NR3C2: variants seen among roughly 807,000 people sequenced by gnomAD.
NR3C2 encodes nuclear receptor subfamily 3 group C member 2.
A neutral mutation model predicts 86.4 loss-of-function variants in NR3C2; 15 were observed. That is an observed-to-expected ratio of 0.17 (90% CI 0.12 to 0.27). The LOEUF (loss-of-function observed/expected upper bound fraction) is 0.27, where lower values mean the gene tolerates loss of function less well. NR3C2 is among the 10% of genes least tolerant of loss of function. NR3C2 has a pLI of 1.00. For missense variants in NR3C2, 960 were observed against 1,195.6 expected, an observed-to-expected ratio of 0.80 and a Z score of 2.91; for synonymous variants, 458 against 450.5, an observed-to-expected ratio of 1.02 and a Z score of -0.21.
chr4:148,092,241 C>CT (rs1022279397), intron 8 of NR3C2, among the ~76,000 whole-genome samples: 3 of 152,226 alleles, frequency 2.0e-5, no homozygotes, highest in Non-Finnish European at 4.4e-5. Context: ...GCAGATGACA[C>CT]TTTTTTGTTT....
chr4:148,271,710 A>G (rs1740694900), intron 2 of NR3C2, among the ~76,000 whole-genome samples: 1 of 152,122 alleles, frequency 6.6e-6, no homozygotes, highest in Admixed American at 6.6e-5. Context: ...TGGCTTTGAG[A>G]AAAAAACTAT....
chr4:148,240,826 A>G (rs1490059777), intron 3 of NR3C2, among the ~76,000 whole-genome samples: 3 of 152,198 alleles, frequency 2.0e-5, no homozygotes, highest in African/African-American at 7.2e-5. Context: ...GCAAGTCTTC[A>G]GCCTTAGTTA....
At chr4:148,321,112 T>C (rs892693818) in intron 2 of NR3C2, among the ~76,000 whole-genome samples, 1 of 149,838 alleles carries the variant, frequency 6.7e-6, no homozygotes, top group Non-Finnish European at 1.5e-5. Context: ...AACATCTTCA[T>C]TTCTGCCTTC....
intron 3 of NR3C2, among the ~76,000 whole-genome samples, chr4:148,200,460 A>C (rs990250373): frequency 6.6e-6 from 1 of 151,814 alleles, no homozygotes; most frequent in African/African-American, 2.4e-5. Flanking sequence ...TTCTCCCCAC[A>C]ATCCTCTACA....
intron 2 of NR3C2, among the ~76,000 whole-genome samples, chr4:148,372,389 G>T (rs1746462679): frequency 6.6e-6 from 1 of 151,594 alleles, no homozygotes; most frequent in Non-Finnish European, 1.5e-5. Flanking sequence ...TCACATAAAA[G>T]CCCTGATATT....
intron 4 of NR3C2, among the ~76,000 whole-genome samples, chr4:148,163,663 A>T (rs1734761090): frequency 6.8e-6 from 1 of 147,322 alleles, no homozygotes; most frequent in South Asian, 2.1e-4. Flanking sequence ...CCTGTATGTA[A>T]AAAACACTCT....
chr4:148,442,943 C>G (rs533770926), upstream of NR3C2: 37 of 985,316 alleles, frequency 3.8e-5, no homozygotes, highest in African/African-American at 5.2e-4. Context: ...CCCTCACGCT[C>G]TCCACCTGCA....
chr4:148,152,759 C>G (rs1734161524), intron 5 of NR3C2, 146 bp from the exon 6 acceptor site: 3 of 767,762 alleles, frequency 3.9e-6, no homozygotes, highest in Non-Finnish European at 6.6e-6. Context: ...CAGTCATTTA[C>G]AGAGTGCCCA....
At chr4:148,259,304 T>TGGTAAC (rs1428898119) in intron 3 of NR3C2, among the ~76,000 whole-genome samples, 1 of 152,216 alleles carries the variant, frequency 6.6e-6, no homozygotes, top group Non-Finnish European at 1.5e-5. Context: ...CTAAGTCTGA[T>TGGTAAC]GGTAACTAAC....
intron 3 of NR3C2, among the ~76,000 whole-genome samples, chr4:148,250,919 C>T (rs1739543576): frequency 6.6e-6 from 1 of 152,090 alleles, no homozygotes; most frequent in South Asian, 2.1e-4. Flanking sequence ...GTGTCCTCAG[C>T]CTCCAGTCTC....
In NR3C2 at chr4:148,435,708, A is replaced by C. The variant is rs764859073; in HGVS notation, c.1153T>G (p.Ser385Ala). The C allele has an allele frequency of 3.1e-6, 5 of 1,614,048 alleles. No individual in the cohort carries two copies. Among genetic ancestry groups the C allele is most frequent in the Non-Finnish European group, 3.4e-6 (4 of 1,180,040 alleles). The change falls in exon 2 of 9, where the codon TCA becomes GCA. Residue 385 changes from serine (S) to alanine (A), a missense_variant. By Grantham distance (99) the Ser-to-Ala change is moderately conservative. Coordinates refer to ENST00000358102, the MANE Select transcript of NR3C2 (RefSeq NM_000901.5). ...TTAAGCTGGCCAGTCACACCATTTG[A>C]GATGGCACTCTCTACTTCCTCAGTC... is the stretch of plus-strand genomic sequence containing the variant. ...PKTEEVESAI[S>A]NGVTGQLNIV... is the part of the protein sequence containing the mutation.
In NR3C2 at chr4:148,204,378, C is replaced by T. The variant is rs182575739; in HGVS notation, c.1898-9516G>A. 1.0e-3 allele frequency among the ~76,000 whole-genome samples: 156 copies of T among 152,202 alleles called. 1 individual carries two copies. Among genetic ancestry groups the T allele is most frequent in the African/African-American group, 3.3e-3 (138 of 41,532 alleles). On this transcript the variant is annotated intron_variant, in intron 3 of 8. Coordinates refer to ENST00000358102, the MANE Select transcript of NR3C2 (RefSeq NM_000901.5). ...CATCTGTTATCTAGATAAACTAATA[C>T]GTTATTCAGGGCAGTGGAAAGGGAA...
chr4:148,435,648 C>G lies in NR3C2; in HGVS notation c.1213G>C (p.Ala405Pro). 1 of 1,614,160 alleles carries G rather than the reference C, an allele frequency of 6.2e-7. No individual in the cohort carries two copies. The highest frequency in any genetic ancestry group is 1.1e-5 in the South Asian group (1 of 91,084). ...CCTCCTAGACATGAGCTGCTAAAAG[C>G]TCCATCTGGTTCTGGTTTTATGTAC... The part of the protein sequence containing the change: ...VQYIKPEPDG[A>P]FSSSCLGGNS... The change falls in exon 2 of 9, where the codon GCT becomes CCT. Residue 405 changes from alanine (A) to proline (P), a missense_variant. Physicochemically the swap from Ala to Pro is conservative, Grantham distance 27. Coordinates refer to ENST00000358102, the MANE Select transcript of NR3C2 (RefSeq NM_000901.5).
chr4:148,353,777 T>C (rs1192467636), intron 2 of NR3C2, among the ~76,000 whole-genome samples: 1 of 152,172 alleles, frequency 6.6e-6, no homozygotes, highest in Non-Finnish European at 1.5e-5. Flanking sequence ...GGATCTAATA[T>C]CATTCTTCTT....
chr4:148,189,861 A>G lies in NR3C2; in HGVS notation c.2014+4885T>C, dbSNP rs540197909. Among the ~76,000 whole-genome samples the G allele has an allele frequency of 7.2e-5, 11 of 152,072 alleles. No individual in the cohort carries two copies. The South Asian group carries it at 1.3e-3, about 17-fold the overall frequency. On this transcript the variant is annotated intron_variant, in intron 4 of 8. Coordinates refer to ENST00000358102, the MANE Select transcript of NR3C2 (RefSeq NM_000901.5). ...ATAGTAGCCTTGAATGATCTTTTGT[A>G]TTTCAGTGGTGTCAGTTTTAATATC...
chr4:148,185,966 A>G (rs1735870351), intron 4 of NR3C2, among the ~76,000 whole-genome samples: 1 of 152,216 alleles, frequency 6.6e-6, no homozygotes. Flanking sequence ...AAGAATATAT[A>G]TAGGATAAAT....
chr4:148,165,517 T>C (rs1401943565), intron 4 of NR3C2, among the ~76,000 whole-genome samples: 5 of 152,150 alleles, frequency 3.3e-5, no homozygotes, highest in Non-Finnish European at 7.3e-5. Context: ...GACTACATCA[T>C]TATAATTTTA....
chr4:148,182,653 C>T (rs1279970132), intron 4 of NR3C2, among the ~76,000 whole-genome samples: 1 of 152,212 alleles, frequency 6.6e-6, no homozygotes, highest in Non-Finnish European at 1.5e-5. Context: ...TAGATAACTG[C>T]AGATGCCAGC....
intron 2 of NR3C2, among the ~76,000 whole-genome samples, chr4:148,288,863 C>T (rs1741659219): frequency 6.6e-6 from 1 of 152,068 alleles, no homozygotes; most frequent in South Asian, 2.1e-4. Flanking sequence ...TACTTCCAGG[C>T]TTCCAGTGCA....
Sources: gnomAD v4.1 joint callset for allele counts (sites outside exome capture counted in the v4.1 genomes callset) on GRCh38, gnomAD v4.1.1 for gene constraint, MANE v1.5 for transcripts, NCBI Gene and HGNC (gene_info 2026-07-23, HGNC 2026-07-21) for gene names.